The following CACNA1C variants were observed in gnomAD, a reference collection of about 807,000 sequenced individuals.
CACNA1C encodes the protein voltage-dependent L-type calcium channel subunit alpha-1C.
In CACNA1C, 30 loss-of-function variants were observed where a neutral mutation model predicts 229.0. That is an observed-to-expected ratio of 0.13 (90% CI 0.10 to 0.18). The LOEUF (loss-of-function observed/expected upper bound fraction) is 0.18. CACNA1C is among the 10% of genes least tolerant of loss of function. The pLI is 1.00. For synonymous variants in CACNA1C, 1,114 were observed against 1,132.5 expected (o/e 0.98, Z 0.33); for missense variants, 1,658 against 2,845.0 (o/e 0.58, Z 9.49).
At chr12:2,085,034 T>C (rs905759324) in intron 1 of CACNA1C, among the ~76,000 whole-genome samples, 1 of 152,194 alleles carries the variant, frequency 6.6e-6, no homozygotes, top group African/African-American at 2.4e-5. Context: ...CATCCAACTT[T>C]TTAATTTAGT....
chr12:2,413,612 G>A (rs147152607), intron 3 of CACNA1C, among the ~76,000 whole-genome samples: 245 of 152,318 alleles, frequency 1.6e-3, no homozygotes, highest in African/African-American at 5.7e-3. Flanking sequence ...TGCTGTGTTT[G>A]AGGTTTCACA....
chr12:1,988,609 C>A (rs1565838811), intron 1 of CACNA1C, among the ~76,000 whole-genome samples: 1 of 152,196 alleles, frequency 6.6e-6, no homozygotes, highest in Non-Finnish European at 1.5e-5. Context: ...GATCCTTCAT[C>A]CTTTGGGTTT....
chr12:2,390,489 T>C (rs886503552), intron 3 of CACNA1C, among the ~76,000 whole-genome samples: 2 of 152,212 alleles, frequency 1.3e-5, no homozygotes, highest in Admixed American at 1.3e-4. Context: ...TAAAAAACTG[T>C]TGGGGAAGAA....
intron 1 of CACNA1C, among the ~76,000 whole-genome samples, chr12:1,994,871 T>A (rs1409793291): frequency 6.6e-6 from 1 of 152,054 alleles, no homozygotes; most frequent in Admixed American, 6.5e-5. Context: ...GAAGTCAAAA[T>A]AAATCACTGC....
Position 2,696,295 on chromosome 12 carries a change from A to C in CACNA1C, c.*5096A>C, listed in dbSNP as rs1029967741. On this transcript the variant is annotated 3_prime_UTR_variant, in exon 47 of 47. Coordinates refer to ENST00000399655, the MANE Select transcript of CACNA1C (RefSeq NM_000719.7). ...AGAGGAGTCAGAATTAGCATTTTTC[A>C]TGAAAGTTCCCCACGTCTCTACTAA... 2.0e-5 allele frequency: 3 copies of C among 152,174 alleles called. No individual in the cohort carries two copies. Among genetic ancestry groups the C allele is most frequent in the Non-Finnish European group, 4.4e-5 (3 of 68,040 alleles). 9.4% of individuals were successfully genotyped at this position (152,174 alleles called of 1,614,324 possible).
At chr12:2,076,345 G>A (rs57298934) in intron 1 of CACNA1C, among the ~76,000 whole-genome samples, 19 of 152,126 alleles carry the variant, frequency 1.2e-4, no homozygotes, top group African/African-American at 2.2e-4. Flanking sequence ...TTACACATGC[G>A]TAATGTTCTT....
chr12:2,053,049 C>G lies in CACNA1C; in HGVS notation c.-514C>G. The G allele has an allele frequency of 1.0e-6, 1 of 983,910 alleles. No homozygotes were observed. Among genetic ancestry groups the G allele is most frequent in the Non-Finnish European group, 1.2e-6 (1 of 829,358 alleles). 60.9% of individuals were successfully genotyped at this position (983,910 alleles called of 1,614,324 possible). ...CAGAGCGGCGCTCGGCGCGGCGCGG[C>G]GGGCCCGGAGCGGCGGCGGCGGCTC... On this transcript the variant is annotated 5_prime_UTR_variant, in exon 1 of 47. Coordinates refer to ENST00000399655, the MANE Select transcript of CACNA1C (RefSeq NM_000719.7). The surrounding 1 kb of genome is among the most constrained non-coding windows in gnomAD (Gnocchi z 5.8).
At chr12:2,318,589 A>G (rs2095811415) in intron 3 of CACNA1C, among the ~76,000 whole-genome samples, 4 of 152,236 alleles carry the variant, frequency 2.6e-5, no homozygotes, top group Admixed American at 2.0e-4. Flanking sequence ...GAGTCTAGAG[A>G]AGGCTCTGCT....
rs1214237333 is a variant in CACNA1C at position 1,971,599 on chromosome 12, T to C, written c.139+398T>C. On this transcript the variant is annotated intron_variant, in intron 1 of 46. Coordinates refer to the CACNA1C transcript ENST00000682462. The surrounding 1 kb of genome is among the most constrained non-coding windows in gnomAD (Gnocchi z 4.2). The stretch of plus-strand genomic sequence containing the variant: ...GCTGATTATATTCAGTAGTGGTATT[T>C]TCTTTTTAAATTTCTTCAGTGGAAA... Among the ~76,000 whole-genome samples, 2 of 152,226 alleles carry C rather than the reference T, an allele frequency of 1.3e-5. No individual in the cohort carries two copies. The highest frequency in any genetic ancestry group is 2.9e-5 in the Non-Finnish European group (2 of 68,042).
At position 2,457,278 on chromosome 12, in the gene CACNA1C, G is replaced by A. The variant is rs966678221; in HGVS notation, c.618-289G>A. 2.6e-5 allele frequency among the ~76,000 whole-genome samples: 4 copies of A among 152,350 alleles called. No individual in the cohort carries two copies. The East Asian group carries it at 5.8e-4, about 22-fold the overall frequency. On this transcript the variant is annotated intron_variant, in intron 4 of 46. Transcript: ENST00000399655. ...GCAACAGACTTCACCTGCTTCCCACGTTTGTCCAGCGCTTGTCCAGCTCCT... is the reference window on the plus strand; with the variant it reads ...GCAACAGACTTCACCTGCTTCCCACATTTGTCCAGCGCTTGTCCAGCTCCT...
chr12:2,533,724 A>G (rs544323090), intron 9 of CACNA1C, among the ~76,000 whole-genome samples: 1 of 152,298 alleles, frequency 6.6e-6, no homozygotes, highest in South Asian at 2.1e-4. Flanking sequence ...CCAGGAGCAC[A>G]TGTCAAAAGC....
At chr12:2,370,884 G>A (rs1419014787) in intron 3 of CACNA1C, among the ~76,000 whole-genome samples, 4 of 152,166 alleles carry the variant, frequency 2.6e-5, no homozygotes, top group Admixed American at 6.5e-5. Flanking sequence ...CAGGTGGGGA[G>A]GGGGCAGTCC....
chr12:2,640,375 C>T (rs1307898848), intron 30 of CACNA1C, among the ~76,000 whole-genome samples: 2 of 152,186 alleles, frequency 1.3e-5, no homozygotes, highest in Non-Finnish European at 2.9e-5. Flanking sequence ...GGCAACGGGA[C>T]TTGGGGCGGA....
chr12:2,021,350 C>A (rs1448762037), intron 1 of CACNA1C, among the ~76,000 whole-genome samples: 2 of 152,082 alleles, frequency 1.3e-5, no homozygotes, highest in Admixed American at 6.5e-5. Flanking sequence ...TTTGGTGCTG[C>A]TATACCAGAA....
Position 2,108,018 on chromosome 12 carries a change from T to C in CACNA1C, c.50-7206T>C, listed in dbSNP as rs2079904899. ...GCAAAATGCATTTTGTCAGACGTGC[T>C]AGCTACATTTCAGGTGCTCAGGAGC... On this transcript the variant is annotated intron_variant, in intron 1 of 46. Transcript: ENST00000399655. This position sits in a 1 kb window ranked among gnomAD's most constrained non-coding sequence, Gnocchi z 5.3. Among the ~76,000 whole-genome samples the C allele has an allele frequency of 6.6e-6, 1 of 152,248 alleles. No homozygotes were observed. The highest frequency in any genetic ancestry group is 1.5e-5 in the Non-Finnish European group (1 of 68,038).
chr12:2,244,487 C>G (rs1280425141), intron 3 of CACNA1C, among the ~76,000 whole-genome samples: 4 of 152,192 alleles, frequency 2.6e-5, no homozygotes, highest in Admixed American at 2.0e-4. Context: ...CCGGAAACTG[C>G]CCCCCAGGTC....
intron 3 of CACNA1C, among the ~76,000 whole-genome samples, chr12:2,377,068 G>T (rs1161205952): frequency 1.3e-5 from 2 of 152,182 alleles, no homozygotes; most frequent in African/African-American, 4.8e-5. Context: ...ATAATTAGGG[G>T]AGGGGCAGCT....
intron 3 of CACNA1C, among the ~76,000 whole-genome samples, chr12:2,257,947 A>G (rs2078623883): frequency 6.6e-6 from 1 of 152,124 alleles, no homozygotes; most frequent in Admixed American, 6.6e-5. Context: ...TGAATGCTAC[A>G]CTCTCAACTT....
chr12:2,399,321 T>A (rs2098642247), intron 3 of CACNA1C, among the ~76,000 whole-genome samples: 1 of 152,214 alleles, frequency 6.6e-6, no homozygotes, highest in African/African-American at 2.4e-5. Context: ...GACAGCCTTT[T>A]ACCCCCTGTC....
Sources: allele counts gnomAD v4.1 joint callset (sites outside exome capture counted in the v4.1 genomes callset), GRCh38; gene constraint gnomAD v4.1.1; non-coding constraint Gnocchi (gnomAD v3.1); transcripts MANE v1.5; gene names NCBI Gene and HGNC (gene_info 2026-07-23, HGNC 2026-07-21).